Variants in MIS18A observed in about 807,000 individuals in gnomAD.
MIS18A encodes MIS18 kinetochore protein A.
Under a neutral mutation model 25.0 loss-of-function variants are expected in MIS18A, and 14 were observed. The observed-to-expected ratio is 0.56, with a 90% CI of 0.37 to 0.88. MIS18A has a LOEUF of 0.88. Ranked by LOEUF, MIS18A falls within the 40% of genes least tolerant of loss-of-function variation. The probability of loss-of-function intolerance (pLI) is 0.00; values close to 1 mark genes in which losing one functional copy is unlikely to be tolerated. For missense variants in MIS18A, 292 were observed against 290.8 expected, an observed-to-expected ratio of 1.00 and a Z score of -0.03; for synonymous variants, 134 against 118.6, an observed-to-expected ratio of 1.13 and a Z score of -0.84.
the MIS18A span, among the ~76,000 whole-genome samples, chr21:32,185,874 G>A: frequency 2.6e-5 from 4 of 152,086 alleles, no homozygotes; most frequent in Admixed American, 6.5e-5. Flanking sequence ...CCGCCACATC[G>A]TATTTCCGGT....
At chr21:32,266,270 G>T (rs906246543), downstream of MIS18A, among the ~76,000 whole-genome samples, 21 of 152,084 alleles carry the variant, frequency 1.4e-4, no homozygotes, top group African/African-American at 5.1e-4. Flanking sequence ...GAGAACCTTT[G>T]TATCTAGCTC....
the MIS18A span, among the ~76,000 whole-genome samples, chr21:32,188,324 T>A: frequency 6.6e-6 from 1 of 152,178 alleles, no homozygotes; most frequent in South Asian, 2.1e-4. Flanking sequence ...AGCCAGAATA[T>A]CAGCTTTTGT....
At chr21:32,255,049 G>A in the MIS18A span, among the ~76,000 whole-genome samples, 1 of 152,170 alleles carries the variant, frequency 6.6e-6, no homozygotes, top group Non-Finnish European at 1.5e-5. Context: ...TGCACAGCAA[G>A]CTGTCCTTTT....
chr21:32,228,481 T>G, the MIS18A span, among the ~76,000 whole-genome samples: 1 of 152,126 alleles, frequency 6.6e-6, no homozygotes, highest in Non-Finnish European at 1.5e-5. Flanking sequence ...ATTCAACATT[T>G]AGTGGGAGAT....
chr21:32,167,129 T>C, the MIS18A span, among the ~76,000 whole-genome samples: 8 of 152,234 alleles, frequency 5.3e-5, no homozygotes, highest in African/African-American at 1.9e-4. Flanking sequence ...AGTCTTGACT[T>C]TTCTCAATCC....
the MIS18A span, among the ~76,000 whole-genome samples, chr21:32,173,980 T>G: frequency 7.9e-5 from 4 of 50,900 alleles, no homozygotes; most frequent in Admixed American, 6.8e-4. Flanking sequence ...TTTTTTTTTT[T>G]TTTGAGACGG....
the MIS18A span, among the ~76,000 whole-genome samples, chr21:32,204,469 C>T: frequency 6.6e-6 from 1 of 151,466 alleles, no homozygotes; most frequent in African/African-American, 2.4e-5. Flanking sequence ...CGCACTCCAG[C>T]CTGGGTGACA....
chr21:32,227,414 A>G, the MIS18A span, among the ~76,000 whole-genome samples: 2 of 152,134 alleles, frequency 1.3e-5, no homozygotes, highest in African/African-American at 4.8e-5. Flanking sequence ...ATAGGATTAT[A>G]ACAAAAAACA....
chr21:32,186,088 C>T, the MIS18A span, among the ~76,000 whole-genome samples: 1 of 152,162 alleles, frequency 6.6e-6, no homozygotes, highest in African/African-American at 2.4e-5. Context: ...TTCCCACCTT[C>T]TCATCTCAGC....
chr21:32,202,592 T>C, the MIS18A span, among the ~76,000 whole-genome samples: 2 of 152,194 alleles, frequency 1.3e-5, no homozygotes, highest in Admixed American at 6.6e-5. Flanking sequence ...ACGCTTTTCA[T>C]CTTGCAAAGC....
the MIS18A span, among the ~76,000 whole-genome samples, chr21:32,229,645 C>G: frequency 6.6e-6 from 1 of 152,200 alleles, no homozygotes; most frequent in Non-Finnish European, 1.5e-5. Flanking sequence ...CTCACTGACA[C>G]TAATTATCAG....
At chr21:32,163,085 C>T in the MIS18A span, among the ~76,000 whole-genome samples, 1 of 152,212 alleles carries the variant, frequency 6.6e-6, no homozygotes, top group South Asian at 2.1e-4. Context: ...CAAAGACATT[C>T]TCATCAGCTC....
At chr21:32,269,462 T>C in intron 4 of MIS18A, 1 of 457,690 alleles carries the variant, frequency 2.2e-6, no homozygotes. Flanking sequence ...GATGTATTTC[T>C]AGCTTTGCAG....
At chr21:32,230,983 C>T in the MIS18A span, among the ~76,000 whole-genome samples, 14 of 152,230 alleles carry the variant, frequency 9.2e-5, no homozygotes, top group African/African-American at 3.4e-4. Flanking sequence ...GTCTGTAATC[C>T]TAGCACTTTG....
At chr21:32,265,813 GGA>G (rs1439618417), downstream of MIS18A, among the ~76,000 whole-genome samples, 6 of 152,248 alleles carry the variant, frequency 3.9e-5, no homozygotes, top group Non-Finnish European at 7.3e-5. Context: ...GTGGGGACGT[GGA>G]GAGTCTTTAT....
chr21:32,155,558 A>C, the MIS18A span, among the ~76,000 whole-genome samples: 1 of 152,350 alleles, frequency 6.6e-6, no homozygotes, highest in African/African-American at 2.4e-5. Context: ...GTATGTTAGA[A>C]CAGAAAAAGG....
chr21:32,263,946 C>T (rs114725888), downstream of MIS18A, among the ~76,000 whole-genome samples: 218 of 152,072 alleles, frequency 1.4e-3, 1 homozygote, highest in African/African-American at 5.0e-3. Context: ...CCCCTGCACA[C>T]CACTGGAGCT....
At chr21:32,184,388 T>G in the MIS18A span, among the ~76,000 whole-genome samples, 2 of 152,208 alleles carry the variant, frequency 1.3e-5, no homozygotes, top group African/African-American at 4.8e-5. Context: ...TCTGAATCAC[T>G]TATAATTCTG....
At chr21:32,190,042 A>C in the MIS18A span, among the ~76,000 whole-genome samples, 2 of 152,180 alleles carry the variant, frequency 1.3e-5, no homozygotes, top group African/African-American at 4.8e-5. Flanking sequence ...ATCCATCAGC[A>C]AATGTGAAAA....
Sources: allele counts gnomAD v4.1 joint callset (sites outside exome capture counted in the v4.1 genomes callset), GRCh38; gene constraint gnomAD v4.1.1; transcripts MANE v1.5; gene names NCBI Gene and HGNC (gene_info 2026-07-23, HGNC 2026-07-21).